The following ROCK2 variants were observed in gnomAD, a reference collection of about 807,000 sequenced individuals.
The protein encoded by ROCK2 is rho-associated protein kinase 2.
Under a neutral mutation model 195.1 loss-of-function variants are expected in ROCK2, and 61 were observed. The observed-to-expected ratio is 0.31, with a 90% CI of 0.25 to 0.39. The LOEUF is 0.39. Ranked by LOEUF, ROCK2 falls within the 10% of genes least tolerant of loss-of-function variation. ROCK2 has a pLI of 1.00. For synonymous variants in ROCK2, 504 were observed against 545.5 expected, an observed-to-expected ratio of 0.92 and a Z score of 1.06; for missense variants, 1,109 against 1,637.4, an observed-to-expected ratio of 0.68 and a Z score of 5.57.
At chr2:11,341,157 GAT>G (rs1001198994) in intron 1 of ROCK2, among the ~76,000 whole-genome samples, 6 of 151,932 alleles carry the variant, frequency 3.9e-5, no homozygotes, top group African/African-American at 1.5e-4. Context: ...CCATAAAAGA[GAT>G]ATACTCTTCT....
chr2:11,287,797 A>T (rs921889882), intron 1 of ROCK2, 61 bp from the exon 2 acceptor site: 2 of 657,428 alleles, frequency 3.0e-6, no homozygotes, highest in Non-Finnish European at 2.4e-6. Flanking sequence ...TCATTTAAAA[A>T]AGTCTTTTAA....
At chr2:11,302,143 A>G (rs2148217908) in intron 1 of ROCK2, among the ~76,000 whole-genome samples, 1 of 152,288 alleles carries the variant, frequency 6.6e-6, no homozygotes, top group Middle Eastern at 3.4e-3. Flanking sequence ...AAATTTCTCC[A>G]TTATGGTTTC....
At chr2:11,336,225 C>T (rs570142681) in intron 1 of ROCK2, among the ~76,000 whole-genome samples, 1 of 152,278 alleles carries the variant, frequency 6.6e-6, no homozygotes, top group East Asian at 1.9e-4. Context: ...GTTGTCACTT[C>T]CCTCAGGTAC....
At chr2:11,317,612 A>ATATATATATATATATTTTT (rs59701503) in intron 1 of ROCK2, among the ~76,000 whole-genome samples, 2 of 19,316 alleles carry the variant, frequency 1.0e-4, no homozygotes, top group African/African-American at 3.2e-4. Flanking sequence ...ATATATATAT[A>ATATATATATATATATTTTT]TTTTTTTTTT....
intron 6 of ROCK2, among the ~76,000 whole-genome samples, chr2:11,225,220 G>C (rs976009559): frequency 6.0e-4 from 91 of 152,108 alleles, no homozygotes; most frequent in Admixed American, 5.8e-3. Flanking sequence ...TATAAAGATG[G>C]AAAATGTTGA....
At chr2:11,259,493 G>A (rs1201998481) in intron 3 of ROCK2, among the ~76,000 whole-genome samples, 1 of 151,304 alleles carries the variant, frequency 6.6e-6, no homozygotes, top group African/African-American at 2.5e-5. Flanking sequence ...GTCCTGCTCT[G>A]CCACTTAATT....
intron 23 of ROCK2, 109 bp from the exon 24 acceptor site, chr2:11,198,883 C>CT (rs34674935): frequency 0.51 from 246,812 of 480,790 alleles, 37,842 homozygotes; most frequent in Admixed American, 0.65. Context: ...TCTTATTTTT[C>CT]TTTTTTTTTT....
At chr2:11,246,647 C>G (rs907607600) in intron 4 of ROCK2, among the ~76,000 whole-genome samples, 4 of 151,874 alleles carry the variant, frequency 2.6e-5, no homozygotes, top group African/African-American at 4.8e-5. Context: ...TACAGATAGG[C>G]CCAAGATTTA....
chr2:11,263,689 C>T (rs1666316324), intron 3 of ROCK2, among the ~76,000 whole-genome samples: 1 of 142,960 alleles, frequency 7.0e-6, no homozygotes, highest in Non-Finnish European at 1.5e-5. Context: ...AAACAAAGAG[C>T]ATGCTCTGAA....
chr2:11,252,125 C>CAGAG (rs993455573), intron 3 of ROCK2, among the ~76,000 whole-genome samples: 1 of 152,044 alleles, frequency 6.6e-6, no homozygotes, highest in African/African-American at 2.4e-5. Context: ...GATATAGAAC[C>CAGAG]AGAGGCCAGG....
intron 1 of ROCK2, among the ~76,000 whole-genome samples, chr2:11,334,185 G>A (rs527663830): frequency 6.6e-6 from 1 of 152,174 alleles, no homozygotes; most frequent in African/African-American, 2.4e-5. Context: ...GACTCTTCAA[G>A]TAGAGATATT....
At chr2:11,333,165 A>G (rs1400652596) in intron 1 of ROCK2, among the ~76,000 whole-genome samples, 1 of 152,252 alleles carries the variant, frequency 6.6e-6, no homozygotes, top group Non-Finnish European at 1.5e-5. Flanking sequence ...TTATACCTCA[A>G]TAAAACAGTT....
At chr2:11,302,233 G>A (rs1311795212) in intron 1 of ROCK2, among the ~76,000 whole-genome samples, 1 of 152,100 alleles carries the variant, frequency 6.6e-6, no homozygotes, top group African/African-American at 2.4e-5. Context: ...CCATTCTACT[G>A]CTGAGTAATC....
rs1304925827 is a variant in ROCK2, at chr2:11,344,430, T to G, written c.-294A>C. 1 of 1,050,608 alleles carries G rather than the reference T, an allele frequency of 9.5e-7. No individual in the cohort carries two copies. The highest frequency in any genetic ancestry group is 1.1e-6 in the Non-Finnish European group (1 of 873,350). 65.1% of individuals were successfully genotyped at this position (1,050,608 alleles called of 1,614,324 possible). A position where few individuals can be genotyped will look rare whatever the true frequency, so the allele number is the denominator to read the frequency against. On this transcript the variant is annotated 5_prime_UTR_variant, in exon 1 of 33. Coordinates refer to ENST00000315872, the MANE Select transcript of ROCK2 (RefSeq NM_004850.5). The surrounding 1 kb of genome is among the most constrained non-coding windows in gnomAD (Gnocchi z 5.4). Reference sequence around the variant, plus strand: ...CGCCGGTCCGCTGGTCCTCAGCGAGTGCCCGCAGGAGTCCTCGGGCGGGAG... The same window carrying G: ...CGCCGGTCCGCTGGTCCTCAGCGAGGGCCCGCAGGAGTCCTCGGGCGGGAG...
Position 11,192,725 on chromosome 2 carries a change from A to C in ROCK2, c.3688-13T>G. On this transcript the variant is annotated splice_polypyrimidine_tract_variant and intron_variant, in intron 30 of 32. Transcript: ENST00000315872. The surrounding 1 kb of genome is among the most constrained non-coding windows in gnomAD (Gnocchi z 5.0). ...TGGCATACAGAATCTATGAATGCCAAAAGAACAATAAGTGATTTCCAAACA... is the reference window on the plus strand; with the variant it reads ...TGGCATACAGAATCTATGAATGCCACAAGAACAATAAGTGATTTCCAAACA... The C allele has an allele frequency of 6.2e-7, 1 of 1,601,740 alleles. No homozygotes were observed. The highest frequency in any genetic ancestry group is 8.5e-7 in the Non-Finnish European group (1 of 1,174,180).
chr2:11,237,924 C>CA (rs766205959), intron 4 of ROCK2, among the ~76,000 whole-genome samples: 1 of 152,000 alleles, frequency 6.6e-6, no homozygotes, highest in Non-Finnish European at 1.5e-5. Context: ...ACTAAAATTA[C>CA]AAAAATGAGC....
intron 1 of ROCK2, among the ~76,000 whole-genome samples, chr2:11,317,581 T>TATATATAAAAAAAAAAAAAAA (rs1387281133): frequency 9.1e-5 from 1 of 10,976 alleles, no homozygotes; most frequent in African/African-American, 3.3e-4. Flanking sequence ...CACATTTATA[T>TATATATAAAAAAAAAAAAAAA]ATATATATAT....
intron 32 of ROCK2, among the ~76,000 whole-genome samples, chr2:11,187,750 C>T (rs1663251490): frequency 6.6e-6 from 1 of 152,054 alleles, no homozygotes; most frequent in South Asian, 2.1e-4. Context: ...GTTTTCTTTG[C>T]TTTTATTATT....
intron 4 of ROCK2, among the ~76,000 whole-genome samples, chr2:11,249,221 A>G (rs773787960): frequency 3.3e-4 from 50 of 152,250 alleles, no homozygotes; most frequent in Non-Finnish European, 6.5e-4. Flanking sequence ...TTTTTTAATG[A>G]TTATACTTTA....
Sources: allele counts gnomAD v4.1 joint callset (sites outside exome capture counted in the v4.1 genomes callset), GRCh38; gene constraint gnomAD v4.1.1; non-coding constraint Gnocchi (gnomAD v3.1); transcripts MANE v1.5; gene names NCBI Gene and HGNC (gene_info 2026-07-23, HGNC 2026-07-21).